The following TACR1 variants were observed in gnomAD, a reference collection of about 807,000 sequenced individuals.
TACR1 encodes the protein tachykinin receptor 1.
A neutral mutation model predicts 35.8 loss-of-function variants in TACR1; 25 were observed. The observed-to-expected ratio is 0.70, with a 90% CI of 0.51 to 0.98. The LOEUF (loss-of-function observed/expected upper bound fraction) is 0.98. Among genes scored for constraint, TACR1 ranks in the 50% least tolerant of loss-of-function variants. The pLI is 0.00. For synonymous variants in TACR1, 195 were observed against 206.7 expected (o/e 0.94, Z 0.48); for missense variants, 478 against 522.9 (o/e 0.91, Z 0.84).
At chr2:75,188,840 A>G (rs752813711) in intron 1 of TACR1, 1 of 152,152 alleles carries the variant, frequency 6.6e-6, no homozygotes, top group Non-Finnish European at 1.5e-5. Context: ...ACAGGTTGGA[A>G]CCATACTAAG....
chr2:75,078,071 C>G (rs912392952), intron 2 of TACR1, among the ~76,000 whole-genome samples: 2 of 152,190 alleles, frequency 1.3e-5, no homozygotes, highest in Non-Finnish European at 2.9e-5. Flanking sequence ...GACGGTGTTT[C>G]AAATCAAGAG....
At chr2:75,064,169 T>C (rs1345543111) in intron 2 of TACR1, among the ~76,000 whole-genome samples, 9 of 151,686 alleles carry the variant, frequency 5.9e-5, no homozygotes, top group African/African-American at 1.7e-4. Flanking sequence ...ACGAGAGACA[T>C]TGAAACACAG....
chr2:75,170,445 G>A (rs1333381012), intron 1 of TACR1, among the ~76,000 whole-genome samples: 1 of 152,160 alleles, frequency 6.6e-6, no homozygotes, highest in African/African-American at 2.4e-5. Flanking sequence ...TTAGCAGCAT[G>A]AGAACAGACT....
chr2:75,199,064 G>T lies in TACR1; in HGVS notation c.-130C>A. 8.4e-7 allele frequency: 1 copy of T among 1,191,582 alleles called. No individual in the cohort carries two copies. The highest frequency in any genetic ancestry group is 1.2e-6 in the Non-Finnish European group (1 of 863,854). 73.8% of individuals were successfully genotyped at this position (1,191,582 alleles called of 1,614,324 possible). A position where few individuals can be genotyped will look rare whatever the true frequency, so the allele number is the denominator to read the frequency against. On this transcript the variant is annotated 5_prime_UTR_variant, in exon 1 of 5. In the 5' UTR this introduces an upstream ATG that the reference lacks. Transcript: ENST00000305249. ...GAGGGTGGAAGGCTTTTTCTGGGCA[G>T]CACTCTTTTTGAAAGCTGAACTGGC...
At chr2:75,187,678 T>G (rs1675740550) in intron 1 of TACR1, 1 of 152,208 alleles carries the variant, frequency 6.6e-6, no homozygotes, top group Admixed American at 6.5e-5. Context: ...CTCAACTTAC[T>G]AAATTGGATT....
intron 2 of TACR1, among the ~76,000 whole-genome samples, chr2:75,062,482 A>C (rs573440252): frequency 1.4e-4 from 21 of 152,352 alleles, no homozygotes; most frequent in Non-Finnish European, 2.5e-4. Flanking sequence ...AAGTATTTCT[A>C]TAACAAAATT....
intron 2 of TACR1, among the ~76,000 whole-genome samples, chr2:75,059,859 C>G (rs1186649877): frequency 6.6e-6 from 1 of 152,206 alleles, no homozygotes; most frequent in Non-Finnish European, 1.5e-5. Context: ...CTCTCCTTCT[C>G]ACAGCATGGT....
chr2:75,085,016 T>G (rs1673164855), intron 2 of TACR1, among the ~76,000 whole-genome samples: 1 of 152,172 alleles, frequency 6.6e-6, no homozygotes, highest in African/African-American at 2.4e-5. Context: ...TTAATTGTGA[T>G]GTTATGGTGT....
rs1676078629 is a variant in TACR1 at position 75,199,473 on chromosome 2, C to A, written c.-539G>T. On this transcript the variant is annotated 5_prime_UTR_variant, in exon 1 of 5. Coordinates refer to ENST00000305249, the MANE Select transcript of TACR1 (RefSeq NM_001058.4). ...TTTCCTTCTCTTTTGCTGCCGCTGC[C>A]GCCGCCTGCAGTTTCGCGGGCACCT... The A allele has an allele frequency of 6.5e-6, 1 of 154,920 alleles. No homozygotes were observed. The highest frequency in any genetic ancestry group is 2.4e-5 in the African/African-American group (1 of 41,414). The allele number at this position is 154,920 out of a possible 1,614,324, so 9.6% of individuals were successfully genotyped here. A position where few individuals can be genotyped will look rare whatever the true frequency, so the allele number is the denominator to read the frequency against.
At chr2:75,157,758 T>G (rs2103984421) in intron 1 of TACR1, among the ~76,000 whole-genome samples, 1 of 152,330 alleles carries the variant, frequency 6.6e-6, no homozygotes, top group South Asian at 2.1e-4. Context: ...GCAATTCAAA[T>G]ATTTCATTCT....
intron 1 of TACR1, among the ~76,000 whole-genome samples, chr2:75,170,823 G>A (rs568425212): frequency 2.0e-5 from 3 of 152,274 alleles, no homozygotes; most frequent in East Asian, 1.9e-4. Flanking sequence ...GGCATCTGGC[G>A]GAAGAAATTT....
At chr2:75,096,470 G>A (rs1305692110) in intron 2 of TACR1, among the ~76,000 whole-genome samples, 1 of 152,212 alleles carries the variant, frequency 6.6e-6, no homozygotes, top group East Asian at 1.9e-4. Flanking sequence ...AAATTTAATT[G>A]TGTGTATTGG....
intron 2 of TACR1, among the ~76,000 whole-genome samples, chr2:75,093,072 T>G (rs1321015902): frequency 6.6e-6 from 1 of 152,180 alleles, no homozygotes; most frequent in Non-Finnish European, 1.5e-5. Context: ...AGAAACAGGC[T>G]GTGTATCTGA....
chr2:75,135,473 C>A (rs1003343403), intron 1 of TACR1, among the ~76,000 whole-genome samples: 1 of 152,300 alleles, frequency 6.6e-6, no homozygotes, highest in Non-Finnish European at 1.5e-5. Flanking sequence ...CCAGGGTACC[C>A]AGGACACCTG....
intron 2 of TACR1, among the ~76,000 whole-genome samples, chr2:75,086,107 G>A (rs1446443558): frequency 6.6e-6 from 1 of 152,206 alleles, no homozygotes; most frequent in Non-Finnish European, 1.5e-5. Context: ...TAACAGTTCT[G>A]TGTTGTTTGG....
At chr2:75,113,366 A>AAC (rs1673787688) in intron 2 of TACR1, among the ~76,000 whole-genome samples, 1 of 151,784 alleles carries the variant, frequency 6.6e-6, no homozygotes, top group Admixed American at 6.6e-5. Flanking sequence ...TTCACCTCCT[A>AAC]ATTAGGGGCT....
intron 1 of TACR1, among the ~76,000 whole-genome samples, chr2:75,139,351 C>T (rs1674356771): frequency 6.6e-6 from 1 of 152,208 alleles, no homozygotes; most frequent in South Asian, 2.1e-4. Context: ...TCTGAACAGG[C>T]CTCTCAGGCT....
intron 1 of TACR1, among the ~76,000 whole-genome samples, chr2:75,134,897 G>A (rs1674249294): frequency 6.6e-6 from 1 of 152,226 alleles, no homozygotes; most frequent in Non-Finnish European, 1.5e-5. Context: ...CTAGAGGATT[G>A]AGTGAGGAAA....
chr2:75,129,112 T>G (rs570709990), intron 1 of TACR1, among the ~76,000 whole-genome samples: 1 of 152,320 alleles, frequency 6.6e-6, no homozygotes, highest in East Asian at 1.9e-4. Context: ...GTAGTTTGGA[T>G]TGTAATGTCT....
Sources: allele counts gnomAD v4.1 joint callset (sites outside exome capture counted in the v4.1 genomes callset), GRCh38; gene constraint gnomAD v4.1.1; transcripts MANE v1.5; gene names NCBI Gene and HGNC (gene_info 2026-07-23, HGNC 2026-07-21).